AKAIN1: variants seen among roughly 807,000 people sequenced by gnomAD.
AKAIN1 encodes A-kinase anchor inhibitor 1.
In AKAIN1, 3 loss-of-function variants were observed where a neutral mutation model predicts 3.7. The ratio of observed to expected loss-of-function variants is 0.82; its 90% CI spans 0.37 to 2.12. AKAIN1 has a LOEUF of 2.12. Ranked by LOEUF, AKAIN1 falls within the 30% of genes most tolerant of loss-of-function variation. AKAIN1 has a pLI of 0.06. For missense variants in AKAIN1, 82 were observed against 82.7 expected, an observed-to-expected ratio of 0.99 and a Z score of 0.03; for synonymous variants, 31 against 30.8, an observed-to-expected ratio of 1.01 and a Z score of -0.02.
chr18:5,177,667 AAAT>A (rs1236333604), intron 1 of AKAIN1, among the ~76,000 whole-genome samples: 2 of 152,186 alleles, frequency 1.3e-5, no homozygotes, highest in Non-Finnish European at 1.5e-5. Context: ...AATACTCTAT[AAAT>A]AATAAAAAAT....
chr18:5,183,719 A>G (rs920811580), intron 1 of AKAIN1, among the ~76,000 whole-genome samples: 1 of 152,152 alleles, frequency 6.6e-6, no homozygotes, highest in African/African-American at 2.4e-5. Context: ...ATTAGATCAT[A>G]TGAAACCATT....
intron 1 of AKAIN1, among the ~76,000 whole-genome samples, chr18:5,169,412 A>G (rs773050024): frequency 2.0e-5 from 3 of 152,100 alleles, no homozygotes; most frequent in Non-Finnish European, 4.4e-5. Flanking sequence ...ATTCACAGCA[A>G]GGACAGCAAA....
intron 1 of AKAIN1, among the ~76,000 whole-genome samples, chr18:5,162,127 G>A (rs1348057870): frequency 6.6e-6 from 1 of 152,122 alleles, no homozygotes; most frequent in Non-Finnish European, 1.5e-5. Context: ...GTCAAAATCA[G>A]TGAAAATAAC....
At chr18:5,148,508 A>G (rs1449209525) in intron 1 of AKAIN1, among the ~76,000 whole-genome samples, 1 of 152,170 alleles carries the variant, frequency 6.6e-6, no homozygotes, top group Non-Finnish European at 1.5e-5. Context: ...ACGCTTAGCT[A>G]TGTGGGAGGC....
At chr18:5,185,009 T>C (rs2071278850) in intron 1 of AKAIN1, among the ~76,000 whole-genome samples, 1 of 151,920 alleles carries the variant, frequency 6.6e-6, no homozygotes, top group South Asian at 2.1e-4. Flanking sequence ...CATAAACCAA[T>C]GGAACAGAAT....
intron 1 of AKAIN1, among the ~76,000 whole-genome samples, chr18:5,173,024 A>T (rs928543323): frequency 2.0e-5 from 3 of 152,160 alleles, no homozygotes; most frequent in African/African-American, 7.2e-5. Flanking sequence ...CAGTTGGTTA[A>T]AAATTATTGA....
chr18:5,156,310 C>G (rs762939116), intron 1 of AKAIN1, among the ~76,000 whole-genome samples: 1 of 152,168 alleles, frequency 6.6e-6, no homozygotes, highest in Non-Finnish European at 1.5e-5. Flanking sequence ...ACAGCGCAAT[C>G]TTCACAATCA....
chr18:5,177,222 C>T (rs1046146336), intron 1 of AKAIN1, among the ~76,000 whole-genome samples: 1 of 152,084 alleles, frequency 6.6e-6, no homozygotes, highest in African/African-American at 2.4e-5. Context: ...TTCTACTAAG[C>T]AGATTTTATA....
chr18:5,194,926 G>C (rs2071339398), intron 1 of AKAIN1, among the ~76,000 whole-genome samples: 1 of 152,110 alleles, frequency 6.6e-6, no homozygotes, highest in South Asian at 2.1e-4. Flanking sequence ...ATTTAGAAAA[G>C]CAATAGGCAA....
chr18:5,175,418 T>C (rs1373479725), intron 1 of AKAIN1, among the ~76,000 whole-genome samples: 6 of 152,154 alleles, frequency 3.9e-5, no homozygotes, highest in Non-Finnish European at 7.4e-5. Context: ...CTAGGAAACA[T>C]AAACAACGAA....
intron 1 of AKAIN1, among the ~76,000 whole-genome samples, chr18:5,166,624 C>A (rs2071169316): frequency 6.6e-6 from 1 of 152,052 alleles, no homozygotes; most frequent in Non-Finnish European, 1.5e-5. Context: ...GATAAAAATC[C>A]ATTTCAGATA....
At chr18:5,175,879 G>A (rs1475401159) in intron 1 of AKAIN1, among the ~76,000 whole-genome samples, 2 of 152,054 alleles carry the variant, frequency 1.3e-5, no homozygotes, top group African/African-American at 4.8e-5. Flanking sequence ...AGGAGACAGA[G>A]AGATTAACAG....
At chr18:5,159,092 CTG>C (rs2071124575) in intron 1 of AKAIN1, among the ~76,000 whole-genome samples, 1 of 149,960 alleles carries the variant, frequency 6.7e-6, no homozygotes, top group South Asian at 2.1e-4. Context: ...GCTCTTTTTA[CTG>C]TGTTGGGGTT....
intron 1 of AKAIN1, among the ~76,000 whole-genome samples, chr18:5,155,129 GC>G (rs1211968116): frequency 8.6e-5 from 13 of 151,824 alleles, no homozygotes; most frequent in Admixed American, 8.5e-4. Flanking sequence ...CAAGTAATCT[GC>G]CCACCTCAGC....
chr18:5,146,567 T>C (rs1311781678), intron 1 of AKAIN1, among the ~76,000 whole-genome samples: 1 of 152,226 alleles, frequency 6.6e-6, no homozygotes, highest in Non-Finnish European at 1.5e-5. Flanking sequence ...TTTGCTCCTA[T>C]AATAGGATCA....
At chr18:5,192,583 C>G (rs1039900481) in intron 1 of AKAIN1, among the ~76,000 whole-genome samples, 1 of 152,008 alleles carries the variant, frequency 6.6e-6, no homozygotes, top group East Asian at 1.9e-4. Flanking sequence ...CTCCACACAT[C>G]GAATCTGCCA....
intron 1 of AKAIN1, among the ~76,000 whole-genome samples, chr18:5,181,122 TAA>T (rs113002665): frequency 3.6e-4 from 51 of 142,732 alleles, no homozygotes; most frequent in African/African-American, 1.3e-3. Flanking sequence ...CCCCATCTCT[TAA>T]AAAAAAAAAA....
chr18:5,158,663 C>T (rs2071121737), intron 1 of AKAIN1, among the ~76,000 whole-genome samples: 1 of 152,176 alleles, frequency 6.6e-6, no homozygotes, highest in South Asian at 2.1e-4. Flanking sequence ...AATTTTGTTC[C>T]TGTTGGTCAA....
At chr18:5,188,174 C>T (rs2071298296) in intron 1 of AKAIN1, among the ~76,000 whole-genome samples, 1 of 152,100 alleles carries the variant, frequency 6.6e-6, no homozygotes, top group Non-Finnish European at 1.5e-5. Flanking sequence ...GACAACCTTT[C>T]CCTCATGGTT....
Sources: allele counts gnomAD v4.1 joint callset (sites outside exome capture counted in the v4.1 genomes callset), GRCh38; gene constraint gnomAD v4.1.1; transcripts MANE v1.5; gene names NCBI Gene and HGNC (gene_info 2026-07-23, HGNC 2026-07-21).